The following BTBD1 variants were observed in gnomAD, a reference collection of about 807,000 sequenced individuals.
The protein encoded by BTBD1 is BTB/POZ domain-containing protein 1.
In BTBD1, 34 loss-of-function variants were observed where a neutral mutation model predicts 48.0. The ratio of observed to expected loss-of-function variants is 0.71; its 90% CI spans 0.54 to 0.94. The LOEUF is 0.94. BTBD1 is among the 40% of genes least tolerant of loss of function. The pLI is 0.00. For missense variants in BTBD1, 543 were observed against 625.6 expected, an observed-to-expected ratio of 0.87 and a Z score of 1.41; for synonymous variants, 261 against 242.1, an observed-to-expected ratio of 1.08 and a Z score of -0.72.
chr15:83,034,382 G>A (rs916876950), intron 4 of BTBD1, among the ~76,000 whole-genome samples: 12 of 152,346 alleles, frequency 7.9e-5, no homozygotes, highest in African/African-American at 2.9e-4. Flanking sequence ...GGGTGACTGA[G>A]GCAAGCTGAT....
chr15:83,018,998 G>C (rs1596418779), intron 6 of BTBD1, 145 bp from the exon 7 acceptor site: 1 of 244,618 alleles, frequency 4.1e-6, no homozygotes, highest in East Asian at 1.5e-4. Context: ...GTGGGGGGGT[G>C]GGGGGTGGTG....
rs1009252367 is a variant in BTBD1 at position 83,044,527 on chromosome 15, T to A, written c.665-2602A>T. The stretch of plus-strand genomic sequence containing the variant: ...ACTTGTGATGGCAAAAACCTCACCA[T>A]AAAAACCGAGAGCACTTTGAAAACA... On this transcript the variant is annotated intron_variant, in intron 3 of 7. Transcript: ENST00000261721. The A allele has an allele frequency of 2.5e-6, 4 of 1,591,396 alleles. No homozygotes were observed. The African/African-American group carries it at 5.4e-5, about 21-fold the overall frequency.
intron 5 of BTBD1, chr15:83,022,201 T>C (rs1299258624): frequency 1.3e-5 from 2 of 151,832 alleles, no homozygotes; most frequent in Non-Finnish European, 2.9e-5. Context: ...CACTCCACCA[T>C]TCCTTGCTAG....
chr15:83,064,161 A>G (rs767401354), intron 1 of BTBD1, among the ~76,000 whole-genome samples: 3 of 152,242 alleles, frequency 2.0e-5, no homozygotes, highest in Non-Finnish European at 2.9e-5. Flanking sequence ...CAGGATGTTT[A>G]CAAGTATGCC....
chr15:83,034,309 T>C (rs1017138334), intron 4 of BTBD1, among the ~76,000 whole-genome samples: 4 of 152,100 alleles, frequency 2.6e-5, no homozygotes, highest in Admixed American at 2.6e-4. Context: ...ACTATACCAA[T>C]ATCAGACAAA....
intron 2 of BTBD1, 147 bp from the exon 3 acceptor site, chr15:83,050,325 C>G (rs1396398397): frequency 1.8e-6 from 1 of 548,626 alleles, no homozygotes; most frequent in African/African-American, 1.9e-5. Flanking sequence ...TCTACATATT[C>G]TTAAAACTTT....
chr15:83,048,691 G>C (rs1031497837), intron 3 of BTBD1, among the ~76,000 whole-genome samples: 5 of 152,170 alleles, frequency 3.3e-5, no homozygotes, highest in African/African-American at 1.2e-4. Context: ...TCTAACGAAA[G>C]CAATTTTACC....
At chr15:83,051,877 T>TACACACACACAC (rs113253261) in intron 2 of BTBD1, among the ~76,000 whole-genome samples, 3,816 of 138,732 alleles carry the variant, frequency 0.028, 74 homozygotes, top group South Asian at 0.046. Context: ...TCCATATATA[T>TACACACACACAC]ACACACACAC....
rs1219637107 is a variant in BTBD1 at position 83,061,399 on chromosome 15, A to G, written c.402-4854T>C. On this transcript the variant is annotated intron_variant, in intron 1 of 7. Coordinates refer to ENST00000261721, the MANE Select transcript of BTBD1 (RefSeq NM_025238.4). Reference sequence around the variant, plus strand: ...TAAAAAGTAATGTCCTAATAACAGAAGTATATATTAGGCACTCATATCTAA... The same window carrying G: ...TAAAAAGTAATGTCCTAATAACAGAGGTATATATTAGGCACTCATATCTAA... 4.6e-5 allele frequency: 7 copies of G among 152,358 alleles called. No homozygotes were observed. The East Asian group carries it at 1.3e-3, about 29-fold the overall frequency. 9.4% of individuals were successfully genotyped at this position (152,358 alleles called of 1,614,324 possible).
intron 4 of BTBD1, among the ~76,000 whole-genome samples, chr15:83,033,279 C>A (rs1191539444): frequency 6.6e-6 from 1 of 152,074 alleles, no homozygotes; most frequent in Non-Finnish European, 1.5e-5. Context: ...TTGAGAGAAT[C>A]TGGTTAGTAT....
intron 4 of BTBD1, among the ~76,000 whole-genome samples, 191 bp downstream of exon 4, chr15:83,041,537 A>G (rs2032760327): frequency 6.6e-6 from 1 of 151,850 alleles, no homozygotes; most frequent in Non-Finnish European, 1.5e-5. Flanking sequence ...CACCATGCCT[A>G]ATTTTTTGTA....
intron 3 of BTBD1, among the ~76,000 whole-genome samples, chr15:83,049,508 T>C (rs192352804): frequency 6.6e-6 from 1 of 152,280 alleles, no homozygotes; most frequent in Admixed American, 6.5e-5. Flanking sequence ...ATCGCACCAT[T>C]TTCCGGATTT....
chr15:83,066,023 G>A (rs2033262519), intron 1 of BTBD1, among the ~76,000 whole-genome samples: 1 of 152,150 alleles, frequency 6.6e-6, no homozygotes. Context: ...CAGGCGCGGT[G>A]GTTCACGCCT....
chr15:83,063,829 G>A lies in BTBD1; in HGVS notation c.401+2922C>T, dbSNP rs968214240. Among the ~76,000 whole-genome samples, 8 of 152,274 alleles carry A rather than the reference G, an allele frequency of 5.3e-5. No homozygotes were observed. In the South Asian group the frequency reaches 1.7e-3, roughly 32 times the overall value. The stretch of plus-strand genomic sequence containing the variant: ...GGAGATACTTAGTGCCGAAAACAAT[G>A]CGTTCCCTTGCTGAGAATGTTCCTT... On this transcript the variant is annotated intron_variant, in intron 1 of 7. Coordinates refer to ENST00000261721, the MANE Select transcript of BTBD1 (RefSeq NM_025238.4).
In BTBD1 at chr15:83,066,670, G is replaced by A. The variant is rs1370718434; in HGVS notation, c.401+81C>T. Reference sequence around the variant, plus strand: ...CCAGCCCAAGGTCATCCGGGAGTCCGGGTAGGCCGGGCCCCGGGGATCTCC... The same window carrying A: ...CCAGCCCAAGGTCATCCGGGAGTCCAGGTAGGCCGGGCCCCGGGGATCTCC... On this transcript the variant is annotated intron_variant, in intron 1 of 7. Transcript: ENST00000261721. 7 of 1,265,240 alleles carry A rather than the reference G, an allele frequency of 5.5e-6. No homozygotes were observed. The East Asian group carries it at 1.3e-4, about 24-fold the overall frequency. 78.4% of individuals were successfully genotyped at this position (1,265,240 alleles called of 1,614,324 possible). A position where few individuals can be genotyped will look rare whatever the true frequency, so the allele number is the denominator to read the frequency against.
chr15:83,019,083 A>T (rs572110887), intron 6 of BTBD1, among the ~76,000 whole-genome samples: 3 of 148,872 alleles, frequency 2.0e-5, no homozygotes, highest in Non-Finnish European at 4.5e-5. Context: ...TTTGAGACAG[A>T]CTCTCTCACT....
Position 83,066,668 on chromosome 15 carries a change from C to T in BTBD1, c.401+83G>A, listed in dbSNP as rs1185990068. 10 of 1,262,522 alleles carry T rather than the reference C, an allele frequency of 7.9e-6. No individual in the cohort carries two copies. The African/African-American group carries it at 1.4e-4, about 18-fold the overall frequency. The allele number at this position is 1,262,522 out of a possible 1,614,324, so 78.2% of individuals were successfully genotyped here. A position where few individuals can be genotyped will look rare whatever the true frequency, so the allele number is the denominator to read the frequency against. On this transcript the variant is annotated intron_variant, in intron 1 of 7. Transcript: ENST00000261721. Reference sequence around the variant, plus strand: ...GCCCAGCCCAAGGTCATCCGGGAGTCCGGGTAGGCCGGGCCCCGGGGATCT... The same window carrying T: ...GCCCAGCCCAAGGTCATCCGGGAGTTCGGGTAGGCCGGGCCCCGGGGATCT...
At chr15:83,034,984 C>T (rs1222467537) in intron 4 of BTBD1, among the ~76,000 whole-genome samples, 1 of 152,130 alleles carries the variant, frequency 6.6e-6, no homozygotes, top group East Asian at 1.9e-4. Context: ...CTCAAGTATA[C>T]ATGGATACTT....
At chr15:83,040,353 T>C (rs932953118) in intron 4 of BTBD1, among the ~76,000 whole-genome samples, 21 of 152,078 alleles carry the variant, frequency 1.4e-4, no homozygotes, top group Admixed American at 5.9e-4. Context: ...AATATACACA[T>C]GAAACAAATC....
Sources: allele counts gnomAD v4.1 joint callset (sites outside exome capture counted in the v4.1 genomes callset), GRCh38; gene constraint gnomAD v4.1.1; transcripts MANE v1.5; gene names NCBI Gene and HGNC (gene_info 2026-07-23, HGNC 2026-07-21).